Variants in SCML4 observed in about 807,000 individuals in gnomAD.
SCML4 encodes the protein sex comb on midleg-like protein 4.
SCML4 carries 34 observed loss-of-function variants against 41.1 expected under a neutral mutation model. That is an observed-to-expected ratio of 0.83 (90% CI 0.63 to 1.10). SCML4 has a LOEUF of 1.10. Ranked by LOEUF, SCML4 falls within the 50% of genes least tolerant of loss-of-function variation. SCML4 has a pLI of 0.00. For missense variants in SCML4, 522 were observed against 534.1 expected (o/e 0.98, Z 0.22); for synonymous variants, 214 against 220.9 (o/e 0.97, Z 0.28).
chr6:107,755,815 C>G (rs1212374864), intron 2 of SCML4, among the ~76,000 whole-genome samples: 2 of 152,084 alleles, frequency 1.3e-5, no homozygotes, highest in Admixed American at 1.3e-4. Context: ...GTAGGGATTA[C>G]ACACTGGGAG....
rs12528291 is a variant in SCML4 at position 107,811,283 on chromosome 6, C to T, written c.-60+12843G>A. The stretch of plus-strand genomic sequence containing the variant: ...TATAAAAACATTTTCTTCTCTTACA[C>T]AGGAGCCAGATCACCACTGTTTCCA... On this transcript the variant is annotated intron_variant, in intron 1 of 7. Transcript: ENST00000369020. Among the ~76,000 whole-genome samples, 1,010 of 152,326 alleles carry T rather than the reference C, an allele frequency of 6.6e-3. 5 individuals are homozygous for T. Among genetic ancestry groups the T allele is most frequent in the Middle Eastern group, 0.01 (3 of 294 alleles).
At chr6:107,755,426 T>C (rs1484988399) in intron 2 of SCML4, 12 of 172,498 alleles carry the variant, frequency 7.0e-5, no homozygotes. Context: ...CATTGCTTAA[T>C]ATAAAGAATA....
intron 1 of SCML4, among the ~76,000 whole-genome samples, chr6:107,774,041 A>C (rs1428900708): frequency 1.3e-5 from 2 of 152,248 alleles, no homozygotes; most frequent in Non-Finnish European, 1.5e-5. Context: ...GTATTCTATC[A>C]ATAATCTTGA....
rs1474649247 is a variant in SCML4, at chr6:107,703,630, C to CAGCT, written c.*1566_*1569dup. ...ATACAGGTCATGCTCTGTACAACGG[C>CAGCT]AGCTGATCAAGCGGTGAGGAGGTTG... is the stretch of plus-strand genomic sequence containing the variant. On this transcript the variant is annotated 3_prime_UTR_variant, in exon 8 of 8. Transcript: ENST00000369020. Among the ~76,000 whole-genome samples, 2 of 152,206 alleles carry CAGCT rather than the reference C, an allele frequency of 1.3e-5. No homozygotes were observed. Among genetic ancestry groups the CAGCT allele is most frequent in the African/African-American group, 4.8e-5 (2 of 41,460 alleles).
chr6:107,835,305 G>C, the SCML4 span, among the ~76,000 whole-genome samples: 6 of 152,076 alleles, frequency 3.9e-5, no homozygotes, highest in African/African-American at 1.2e-4. Context: ...AGGTTGCAGT[G>C]AGCCAAGATC....
At chr6:107,821,507 G>T (rs1784940678) in intron 1 of SCML4, among the ~76,000 whole-genome samples, 1 of 152,188 alleles carries the variant, frequency 6.6e-6, no homozygotes. Flanking sequence ...TCCACAAAAT[G>T]TTAGACAAGA....
chr6:107,799,982 G>A (rs1324146542), intron 1 of SCML4, among the ~76,000 whole-genome samples: 1 of 144,790 alleles, frequency 6.9e-6, no homozygotes, highest in African/African-American at 2.6e-5. Context: ...TTTTTTTCTA[G>A]TATTGAATCC....
chr6:107,749,380 C>G (rs1349519677), intron 3 of SCML4, among the ~76,000 whole-genome samples: 1 of 151,956 alleles, frequency 6.6e-6, no homozygotes, highest in Non-Finnish European at 1.5e-5. Context: ...TCAGCGCACC[C>G]CAGCTCCTAA....
At position 107,704,077 on chromosome 6, in the gene SCML4, C is replaced by A. The variant is rs1773388916; in HGVS notation, c.*1123G>T. The A allele has an allele frequency of 6.6e-6, 1 of 152,132 alleles. No individual in the cohort carries two copies. The highest frequency in any genetic ancestry group is 1.5e-5 in the Non-Finnish European group (1 of 68,032). 9.4% of individuals were successfully genotyped at this position (152,132 alleles called of 1,614,324 possible). A position where few individuals can be genotyped will look rare whatever the true frequency, so the allele number is the denominator to read the frequency against. ...ATTACTCCACTGTGAGGAAGGAAAA[C>A]CTATTTGTAAATTGAATTAAACCCC... On this transcript the variant is annotated 3_prime_UTR_variant, in exon 8 of 8. Coordinates refer to ENST00000369020, the MANE Select transcript of SCML4 (RefSeq NM_198081.5).
chr6:107,806,924 G>A (rs1783775454), intron 1 of SCML4, among the ~76,000 whole-genome samples: 1 of 152,234 alleles, frequency 6.6e-6, no homozygotes, highest in Non-Finnish European at 1.5e-5. Context: ...CCTGCCCGCT[G>A]GCAGAGTTGG....
rs1305691421 is a variant in SCML4, at chr6:107,745,079, A to G, written c.552T>C (p.Tyr184=). The G allele has an allele frequency of 3.1e-6, 5 of 1,613,192 alleles. No homozygotes were observed. Among genetic ancestry groups the G allele is most frequent in the Non-Finnish European group, 3.4e-6 (4 of 1,179,556 alleles). ...ACAGCTTGGCGAGGAAGCGGAGGAC[A>G]TAGCCGATGCTGTTCACCACAGGCA... ...RSLPVVNSIG[Y]VLRFLAKLCR... Residue 184 remains tyrosine (Y), a synonymous_variant, in exon 5 of 8, where the codon TAT becomes TAC. Transcript: ENST00000369020.
intron 1 of SCML4, among the ~76,000 whole-genome samples, chr6:107,775,949 C>A (rs1014425410): frequency 1.3e-5 from 2 of 151,564 alleles, no homozygotes; most frequent in Admixed American, 6.6e-5. Context: ...GGACAACTGG[C>A]GTTTAGAAAT....
At chr6:107,742,616 T>C (rs1777684797) in intron 5 of SCML4, among the ~76,000 whole-genome samples, 1 of 151,978 alleles carries the variant, frequency 6.6e-6, no homozygotes, top group African/African-American at 2.4e-5. Flanking sequence ...GTGGAAACCA[T>C]ATAGGCCAGG....
Position 107,709,896 on chromosome 6 carries a change from G to T in SCML4, c.974-1885C>A, listed in dbSNP as rs1774072221. Among the ~76,000 whole-genome samples the T allele has an allele frequency of 2.0e-5, 3 of 152,188 alleles. No homozygotes were observed. In the South Asian group the frequency reaches 6.2e-4, roughly 32 times the overall value. ...CAGCTAATTCCTGTATTTTAGTAGA[G>T]ATGGGGTTTCACCATGTTGGTCAGG... is the stretch of plus-strand genomic sequence containing the variant. On this transcript the variant is annotated intron_variant, in intron 6 of 7. Transcript: ENST00000369020.
chr6:107,823,761 T>G (rs1020787890), intron 1 of SCML4, among the ~76,000 whole-genome samples: 2 of 152,120 alleles, frequency 1.3e-5, no homozygotes, highest in East Asian at 1.9e-4. Context: ...AAAATTATCG[T>G]GAAGGGAAAA....
intron 2 of SCML4, among the ~76,000 whole-genome samples, chr6:107,751,646 C>CT (rs1554211271): frequency 5.8e-5 from 6 of 103,738 alleles, no homozygotes; most frequent in African/African-American, 1.9e-4. Context: ...TTCTTTCTTT[C>CT]TTTTTTGAGA....
Position 107,707,902 on chromosome 6 carries a change from C to T in SCML4, c.1083G>A (p.Gln361=), listed in dbSNP as rs1224683319. The T allele has an allele frequency of 9.7e-6, 15 of 1,551,614 alleles. No individual in the cohort carries two copies. The African/African-American group carries it at 1.9e-4, about 20-fold the overall frequency. ...VVWFVKDADP[Q]ALGPHVELFR... ...AGAGCTCCACGTGAGGCCCCAGAGC[C>T]TGTGGGTCGGCGTCCTTCACAAACC... is the stretch of plus-strand genomic sequence containing the variant. The change falls in exon 7 of 8, where the codon CAG becomes CAA. Residue 361 remains glutamine (Q), a synonymous_variant. Transcript: ENST00000369020.
intron 2 of SCML4, among the ~76,000 whole-genome samples, chr6:107,751,572 A>ATCAATCTTTCTT (rs1778626646): frequency 1.1e-5 from 1 of 87,670 alleles, no homozygotes; most frequent in Non-Finnish European, 2.3e-5. Flanking sequence ...CATTTTAACA[A>ATCAATCTTTCTT]TCTTTCTTTC....
chr6:107,829,425 T>C, the SCML4 span, among the ~76,000 whole-genome samples: 2 of 152,092 alleles, frequency 1.3e-5, no homozygotes, highest in Non-Finnish European at 2.9e-5. Context: ...AATGATTCCT[T>C]GGTGATAGAA....
Sources: allele counts gnomAD v4.1 joint callset (sites outside exome capture counted in the v4.1 genomes callset), GRCh38; gene constraint gnomAD v4.1.1; transcripts MANE v1.5; gene names NCBI Gene and HGNC (gene_info 2026-07-23, HGNC 2026-07-21).